Variants in HCN1 observed in about 807,000 individuals in gnomAD.
HCN1 encodes hyperpolarization activated cyclic nucleotide gated potassium channel 1, also known as potassium/sodium hyperpolarization-activated cyclic nucleotide-gated channel 1.
In HCN1, 13 loss-of-function variants were observed where a neutral mutation model predicts 78.9. That is an observed-to-expected ratio of 0.16 (90% CI 0.11 to 0.26). The LOEUF (loss-of-function observed/expected upper bound fraction) is 0.26, where lower values mean the gene tolerates loss of function less well. Among genes scored for constraint, HCN1 ranks in the 10% least tolerant of loss-of-function variants. The pLI is 1.00. For synonymous variants in HCN1, 552 were observed against 455.5 expected (o/e 1.21, Z -2.70); for missense variants, 810 against 1,154.3 (o/e 0.70, Z 4.32).
chr5:45,453,362 T>A (rs1395906338), intron 3 of HCN1, among the ~76,000 whole-genome samples: 1 of 152,096 alleles, frequency 6.6e-6, no homozygotes, highest in African/African-American at 2.4e-5. Flanking sequence ...CGTAAATATA[T>A]GAGGAGTTCA....
At chr5:45,315,402 C>A (rs1745963300) in intron 5 of HCN1, among the ~76,000 whole-genome samples, 1 of 152,132 alleles carries the variant, frequency 6.6e-6, no homozygotes, top group Non-Finnish European at 1.5e-5. Flanking sequence ...ACCTCTGGGA[C>A]ACATTTAAAG....
rs188626929 is a variant in HCN1 at position 45,555,627 on chromosome 5, T to C, written c.849+89558A>G. ...AAAAAGAACAAAACTGGAGGAGTCATATTACCTGACTTCAAATTATACTAC... is the reference window on the plus strand; with the variant it reads ...AAAAAGAACAAAACTGGAGGAGTCACATTACCTGACTTCAAATTATACTAC... On this transcript the variant is annotated intron_variant, in intron 2 of 7. Coordinates refer to ENST00000303230, the MANE Select transcript of HCN1 (RefSeq NM_021072.4). Among the ~76,000 whole-genome samples, 395 of 151,786 alleles carry C rather than the reference T, an allele frequency of 2.6e-3. 1 individual carries two copies. The highest frequency in any genetic ancestry group is 3.9e-3 in the Non-Finnish European group (267 of 67,792).
rs1407177643 is a variant in HCN1, at chr5:45,259,298, T to TATG, written c.*2620_*2622dup. On this transcript the variant is annotated 3_prime_UTR_variant, in exon 8 of 8. Coordinates refer to ENST00000303230, the MANE Select transcript of HCN1 (RefSeq NM_021072.4). ...TTAATAATCTTTATATATATTTATA[T>TATG]ATGTATGGCTTTGAGCAAAGACAAA... 2 of 152,258 alleles carry TATG rather than the reference T, an allele frequency of 1.3e-5. No individual in the cohort carries two copies. The highest frequency in any genetic ancestry group is 4.8e-5 in the African/African-American group (2 of 41,446). 9.4% of individuals were successfully genotyped at this position (152,258 alleles called of 1,614,324 possible). A position where few individuals can be genotyped will look rare whatever the true frequency, so the allele number is the denominator to read the frequency against.
chr5:45,627,036 G>A (rs1745178453), intron 2 of HCN1, among the ~76,000 whole-genome samples: 2 of 150,476 alleles, frequency 1.3e-5, no homozygotes, highest in African/African-American at 4.9e-5. Flanking sequence ...TATATAACTG[G>A]GTCCATTCAT....
intron 2 of HCN1, among the ~76,000 whole-genome samples, chr5:45,503,909 C>A (rs1742239950): frequency 6.6e-6 from 1 of 151,884 alleles, no homozygotes; most frequent in South Asian, 2.1e-4. Context: ...CATTAGCCTC[C>A]CAAGTAGCTG....
intron 1 of HCN1, among the ~76,000 whole-genome samples, chr5:45,661,408 A>G: frequency 6.6e-6 from 1 of 150,766 alleles, no homozygotes; most frequent in Non-Finnish European, 1.5e-5. Context: ...GAAAAGCAAG[A>G]GCAAACACAT....
chr5:45,517,012 T>C (rs1035177838), intron 2 of HCN1, among the ~76,000 whole-genome samples: 1 of 152,032 alleles, frequency 6.6e-6, no homozygotes, highest in African/African-American at 2.4e-5. Context: ...TATTGATTTA[T>C]GCATAAAGAG....
At chr5:45,376,718 C>T (rs1747687044) in intron 4 of HCN1, among the ~76,000 whole-genome samples, 1 of 151,878 alleles carries the variant, frequency 6.6e-6, no homozygotes, top group Non-Finnish European at 1.5e-5. Context: ...CAGGAAATAA[C>T]ATTCTTAATA....
chr5:45,306,057 G>A (rs1745728350), intron 5 of HCN1, among the ~76,000 whole-genome samples: 3 of 152,030 alleles, frequency 2.0e-5, no homozygotes, highest in Admixed American at 2.0e-4. Flanking sequence ...ACAACAGGAA[G>A]ATAAAAGGTG....
At chr5:45,569,275 TTC>T (rs1233131186) in intron 2 of HCN1, among the ~76,000 whole-genome samples, 9 of 152,334 alleles carry the variant, frequency 5.9e-5, no homozygotes, top group African/African-American at 2.2e-4. Context: ...TGCTTTGTTT[TTC>T]TCTTATTAAT....
At chr5:45,315,811 T>C (rs898422055) in intron 5 of HCN1, among the ~76,000 whole-genome samples, 3 of 152,134 alleles carry the variant, frequency 2.0e-5, no homozygotes, top group African/African-American at 7.2e-5. Flanking sequence ...CTAGAAAATG[T>C]AGAAGAAATG....
At chr5:45,539,972 AT>A (rs1743065362) in intron 2 of HCN1, among the ~76,000 whole-genome samples, 1 of 140,758 alleles carries the variant, frequency 7.1e-6, no homozygotes, top group Non-Finnish European at 1.5e-5. Context: ...AATGTTTATC[AT>A]TGTCAGGATA....
At chr5:45,573,379 A>T (rs1174242958) in intron 2 of HCN1, among the ~76,000 whole-genome samples, 1 of 152,072 alleles carries the variant, frequency 6.6e-6, no homozygotes, top group Admixed American at 6.6e-5. Flanking sequence ...TTCTGCTACC[A>T]AAATCCCATT....
At chr5:45,338,107 G>C (rs1746502970) in intron 5 of HCN1, among the ~76,000 whole-genome samples, 2 of 152,096 alleles carry the variant, frequency 1.3e-5, no homozygotes, top group African/African-American at 4.8e-5. Flanking sequence ...TGAAAGGAGA[G>C]TCTGAACTAT....
intron 2 of HCN1, among the ~76,000 whole-genome samples, chr5:45,495,431 G>A (rs1742004772): frequency 6.8e-6 from 1 of 147,690 alleles, no homozygotes; most frequent in Non-Finnish European, 1.5e-5. Flanking sequence ...GAATGCTTGT[G>A]ATTTTTGTAC....
At chr5:45,469,462 G>A (rs1034233671) in intron 2 of HCN1, among the ~76,000 whole-genome samples, 17 of 151,812 alleles carry the variant, frequency 1.1e-4, no homozygotes, top group African/African-American at 2.2e-4. Flanking sequence ...AAATGTAGAC[G>A]ATATTTACAA....
At chr5:45,427,775 A>G (rs190328087) in intron 3 of HCN1, among the ~76,000 whole-genome samples, 3 of 152,260 alleles carry the variant, frequency 2.0e-5, no homozygotes, top group Admixed American at 2.0e-4. Context: ...ACATTAAAAC[A>G]AAGTATAAAA....
intron 2 of HCN1, among the ~76,000 whole-genome samples, chr5:45,640,646 C>T (rs1440663019): frequency 6.6e-6 from 1 of 150,620 alleles, no homozygotes; most frequent in East Asian, 2.0e-4. Context: ...ATGATCTCAG[C>T]TCACTGCAAC....
At chr5:45,358,177 T>C (rs1183991554) in intron 4 of HCN1, among the ~76,000 whole-genome samples, 1 of 152,014 alleles carries the variant, frequency 6.6e-6, no homozygotes, top group Non-Finnish European at 1.5e-5. Flanking sequence ...AGAGAGAAGA[T>C]AATGGAAAAT....
Sources: allele counts gnomAD v4.1 joint callset (sites outside exome capture counted in the v4.1 genomes callset), GRCh38; gene constraint gnomAD v4.1.1; transcripts MANE v1.5; gene names NCBI Gene and HGNC (gene_info 2026-07-23, HGNC 2026-07-21).